Variants in FAM186B observed in about 807,000 individuals in gnomAD.
FAM186B encodes family with sequence similarity 186 member B, also known as protein FAM186B.
In FAM186B, 68 loss-of-function variants were observed where a neutral mutation model predicts 83.4. The observed-to-expected ratio is 0.81, with a 90% confidence interval of 0.67 to 1.00. FAM186B has a LOEUF of 1.00. Ranked by LOEUF, FAM186B falls within the 50% of genes least tolerant of loss-of-function variation. The pLI is 0.00. For synonymous variants in FAM186B, 389 were observed against 422.0 expected (o/e 0.92, Z 0.96); for missense variants, 983 against 1,099.2 (o/e 0.89, Z 1.49).
At chr12:49,584,292 A>G (rs1592539354), downstream of FAM186B, 23 of 554,956 alleles carry the variant, frequency 4.1e-5, no homozygotes, top group East Asian at 6.8e-4. Context: ...AAAATAAACC[A>G]ACCTCTATTT....
intron 3 of FAM186B, 112 bp downstream of exon 3, chr12:49,603,073 C>A (rs753627443): frequency 4.5e-5 from 54 of 1,204,500 alleles, no homozygotes; most frequent in Non-Finnish European, 5.9e-5. Flanking sequence ...TCAAATCAAA[C>A]TTCTGTGATG....
chr12:49,601,080 G>A lies in FAM186B; in HGVS notation c.560C>T (p.Pro187Leu). 1 of 1,602,652 alleles carries A rather than the reference G, an allele frequency of 6.2e-7. No homozygotes were observed. The highest frequency in any genetic ancestry group is 8.5e-7 in the Non-Finnish European group (1 of 1,172,518). Reference sequence around the variant, plus strand: ...TGGGCTTAGTGGCTGAGGATGGGATGGAGATGTCTGTGGGCTTCTTCCCTG... The same window carrying A: ...TGGGCTTAGTGGCTGAGGATGGGATAGAGATGTCTGTGGGCTTCTTCCCTG... ...GWQGRSPQTSPSHPQPLSPEQ... is the reference protein window; with the variant it reads ...GWQGRSPQTSLSHPQPLSPEQ... Residue 187 changes from proline to leucine, a missense_variant, in exon 4 of 7, where the codon CCA (proline) becomes CTA (leucine). Physicochemically the swap from Pro to Leu is moderately conservative, Grantham distance 98 (BLOSUM62 -3). Transcript: ENST00000257894.
chr12:49,583,722 C>T (rs1939382421), downstream of FAM186B: 1 of 152,890 alleles, frequency 6.5e-6, no homozygotes, highest in South Asian at 2.1e-4. Context: ...AAGAGAACCG[C>T]TGGACATGGG....
intron 2 of FAM186B, 113 bp from the exon 3 acceptor site, chr12:49,603,480 T>C: frequency 1.2e-5 from 12 of 1,017,334 alleles, no homozygotes; most frequent in Non-Finnish European, 1.6e-5. Context: ...ATTTTACCTC[T>C]TACTAGCTAT....
chr12:49,602,075 C>T (rs563502493), intron 3 of FAM186B, among the ~76,000 whole-genome samples: 1 of 152,306 alleles, frequency 6.6e-6, no homozygotes, highest in Admixed American at 6.5e-5. Context: ...TTCTCAGTGT[C>T]TCAGTTTCCC....
downstream of FAM186B, among the ~76,000 whole-genome samples, chr12:49,586,675 G>A (rs1475827865): frequency 5.3e-5 from 8 of 152,176 alleles, no homozygotes; most frequent in Non-Finnish European, 7.3e-5. Flanking sequence ...TCTGTTCGCT[G>A]TATCTAAATC....
Position 49,600,302 on chromosome 12 carries a change from G to T in FAM186B, c.1338C>A (p.Asp446Glu). Residue 446 changes from aspartate to glutamate, a missense_variant, in exon 4 of 7, where the codon GAC becomes GAA. By Grantham distance (45) the Asp-to-Glu change is conservative (BLOSUM62 2). Coordinates refer to ENST00000257894, the MANE Select transcript of FAM186B (RefSeq NM_032130.3). The surrounding 1 kb of genome is among the most constrained non-coding windows in gnomAD (Gnocchi z 4.3). Reference protein sequence around the residue: ...SLGHKDKDQEDYFQKGGLQIK... With the variant: ...SLGHKDKDQEEYFQKGGLQIK... ...TTTGGAGTCCTCCCTTCTGGAAGTA[G>T]TCCTCCTGGTCTTTGTCTTTGTGGC... is the stretch of plus-strand genomic sequence containing the variant. 6.2e-7 allele frequency: 1 copy of T among 1,614,196 alleles called. No individual in the cohort carries two copies. Among genetic ancestry groups the T allele is most frequent in the Non-Finnish European group, 8.5e-7 (1 of 1,180,036 alleles).
rs374360528 is a variant in FAM186B, at chr12:49,600,676, G to A, written c.964C>T (p.Gln322Ter). 1 of 1,614,016 alleles carries A rather than the reference G, an allele frequency of 6.2e-7. No individual in the cohort carries two copies. The highest frequency in any genetic ancestry group is 8.5e-7 in the Non-Finnish European group (1 of 1,180,042). Residue 322 changes from glutamine (Q) to a stop codon, truncating the protein, a stop_gained, in exon 4 of 7, where the codon CAG becomes TAG. Transcript: ENST00000257894. LOFTEE classifies it high-confidence loss of function. The surrounding 1 kb of genome is among the most constrained non-coding windows in gnomAD (Gnocchi z 4.3). ...TCTTCTGCCTGACCTGTAGCATTCT[G>A]AGCCTTCTTCAGCTGGAACTCCAAG... Reference protein sequence around the residue: ...QALEFQLKKAQNATGQAEDLA... With the variant: ...QALEFQLKKA
the FAM186B span, among the ~76,000 whole-genome samples, chr12:49,618,606 C>A: frequency 2.0e-5 from 3 of 151,608 alleles, no homozygotes; most frequent in Non-Finnish European, 2.9e-5. Flanking sequence ...AACCCTGAAA[C>A]AAAATATGCT....
downstream of FAM186B, among the ~76,000 whole-genome samples, chr12:49,586,504 CAG>C (rs1939446232): frequency 6.6e-6 from 1 of 152,142 alleles, no homozygotes; most frequent in Non-Finnish European, 1.5e-5. Flanking sequence ...GCCCGAGACT[CAG>C]AAGCTGGGCA....
intron 1 of FAM186B, 94 bp from the exon 2 acceptor site, chr12:49,604,632 C>T (rs776185003): frequency 2.2e-6 from 2 of 920,232 alleles, no homozygotes; most frequent in Non-Finnish European, 3.4e-6. Context: ...CGCTTAGCCT[C>T]TTTGGGTCTC....
chr12:49,607,529 A>G (rs1023654890), upstream of FAM186B, among the ~76,000 whole-genome samples: 1 of 152,166 alleles, frequency 6.6e-6, no homozygotes, highest in Admixed American at 6.5e-5. Flanking sequence ...TGGATTCATA[A>G]TATAAAAAAC....
Position 49,593,291 on chromosome 12 carries a change from T to C in FAM186B, c.2365-4668A>G, listed in dbSNP as rs539688752. On this transcript the variant is annotated intron_variant, in intron 5 of 6. Coordinates refer to ENST00000257894, the MANE Select transcript of FAM186B (RefSeq NM_032130.3). The stretch of plus-strand genomic sequence containing the variant: ...AAATAGTAAAAAATATTTAAAAAGC[T>C]GCAGTGACTATATCAATACTGATGT... 3 of 152,272 alleles carry C rather than the reference T, an allele frequency of 2.0e-5. No homozygotes were observed. In the East Asian group the frequency reaches 5.8e-4, roughly 29 times the overall value. 9.4% of individuals were successfully genotyped at this position (152,272 alleles called of 1,614,324 possible).
chr12:49,601,497 C>T (rs1939893385), intron 3 of FAM186B, among the ~76,000 whole-genome samples: 2 of 152,172 alleles, frequency 1.3e-5, no homozygotes, highest in African/African-American at 4.8e-5. Flanking sequence ...GTGTTTGCCT[C>T]CTATTGTCAG....
At chr12:49,618,710 A>C in the FAM186B span, among the ~76,000 whole-genome samples, 1 of 152,224 alleles carries the variant, frequency 6.6e-6, no homozygotes. Context: ...GATAAAGTTG[A>C]GGAAATCTCC....
the FAM186B span, among the ~76,000 whole-genome samples, chr12:49,620,451 C>T: frequency 2.1e-3 from 316 of 151,640 alleles, 3 homozygotes; most frequent in Non-Finnish European, 1.9e-3. Flanking sequence ...AGGTGGATCA[C>T]GAGGTCAGGA....
At chr12:49,588,140 G>T (rs1316829113) in intron 6 of FAM186B, among the ~76,000 whole-genome samples, 2 of 152,236 alleles carry the variant, frequency 1.3e-5, no homozygotes, top group Admixed American at 1.3e-4. Context: ...ACCAACGGCA[G>T]ATGCCAAATC....
chr12:49,584,294 C>A, downstream of FAM186B: 1 of 555,228 alleles, frequency 1.8e-6, no homozygotes. Context: ...AATAAACCAA[C>A]CTCTATTTTA....
rs765347376 is a variant in FAM186B at position 49,600,246 on chromosome 12, A to C, written c.1394T>G (p.Leu465Arg). 6 of 1,613,784 alleles carry C rather than the reference A, an allele frequency of 3.7e-6. No individual in the cohort carries two copies. The highest frequency in any genetic ancestry group is 1.7e-5 in the Admixed American group (1 of 59,996). ...AGAGGTCACCTGCCTGGAGCTCTCT[A>C]GAGACAGCTGCTTGCTACAGTGGAA... ...IKFHCSKQLSLESSRQVTSES... is the reference protein window; with the variant it reads ...IKFHCSKQLSRESSRQVTSES... Residue 465 changes from leucine to arginine, a missense_variant, in exon 4 of 7, where the codon CTA becomes CGA. Transcript: ENST00000257894. This position sits in a 1 kb window ranked among gnomAD's most constrained non-coding sequence, Gnocchi z 4.3.
Sources: allele counts gnomAD v4.1 joint callset (sites outside exome capture counted in the v4.1 genomes callset), GRCh38; gene constraint gnomAD v4.1.1; non-coding constraint Gnocchi (gnomAD v3.1); transcripts MANE v1.5; gene names NCBI Gene and HGNC (gene_info 2026-07-23, HGNC 2026-07-21).